The following ZRANB3 variants were observed in gnomAD, a reference collection of about 807,000 sequenced individuals.
The protein encoded by ZRANB3 is zinc finger RANBP2-type containing 3.
Under a neutral mutation model 133.8 loss-of-function variants are expected in ZRANB3, and 125 were observed. That is an observed-to-expected ratio of 0.93 (90% confidence interval 0.81 to 1.08). The LOEUF is 1.08. ZRANB3 is among the 50% of genes least tolerant of loss of function. The probability of loss-of-function intolerance (pLI) is 0.00; values close to 1 mark genes in which losing one functional copy is unlikely to be tolerated. For synonymous variants in ZRANB3, 387 were observed against 432.7 expected (o/e 0.89, Z 1.31); for missense variants, 1,229 against 1,275.5 (o/e 0.96, Z 0.56).
chr2:135,408,551 A>T (rs1179347907), intron 2 of ZRANB3, among the ~76,000 whole-genome samples: 1 of 152,220 alleles, frequency 6.6e-6, no homozygotes, highest in Non-Finnish European at 1.5e-5. Flanking sequence ...CACTATTCAC[A>T]ATAGCAAAGA....
In ZRANB3 at chr2:135,355,672, T is replaced by C. The variant is rs1558939570; in HGVS notation, c.181-2044A>G. On this transcript the variant is annotated intron_variant, in intron 3 of 20. Coordinates refer to ENST00000264159, the MANE Select transcript of ZRANB3 (RefSeq NM_032143.4). ...GCGCCCGGCCAACAATTACAGATCTTTACCTGGCTAGAGTTATTCAGTGTG... is the reference window on the plus strand; with the variant it reads ...GCGCCCGGCCAACAATTACAGATCTCTACCTGGCTAGAGTTATTCAGTGTG... Among the ~76,000 whole-genome samples, 6 of 152,056 alleles carry C rather than the reference T, an allele frequency of 3.9e-5. No individual in the cohort carries two copies. In the South Asian group the frequency reaches 1.2e-3, roughly 32 times the overall value.
intron 12 of ZRANB3, among the ~76,000 whole-genome samples, chr2:135,255,983 G>A (rs1010650102): frequency 2.7e-5 from 4 of 149,460 alleles, no homozygotes; most frequent in East Asian, 2.0e-4. Context: ...GAGAAATCAC[G>A]GCTCACTACA....
In ZRANB3 at chr2:135,510,896, A is replaced by G. The variant is rs1408614907; in HGVS notation, c.-7-6400T>C. The G allele has an allele frequency of 6.5e-6, 8 of 1,226,396 alleles. No individual in the cohort carries two copies. In the East Asian group the frequency reaches 1.6e-4, roughly 25 times the overall value. 76.0% of individuals were successfully genotyped at this position (1,226,396 alleles called of 1,614,324 possible). On this transcript the variant is annotated intron_variant, in intron 1 of 20. Transcript: ENST00000264159. ...CTTTAAGCTCTGATTTGTCCACTTCATGAGGCAGGTTGCCAATGAAGAGTT... is the reference window on the plus strand; with the variant it reads ...CTTTAAGCTCTGATTTGTCCACTTCGTGAGGCAGGTTGCCAATGAAGAGTT...
At chr2:135,372,165 CAAAA>C (rs568486324) in intron 3 of ZRANB3, among the ~76,000 whole-genome samples, 2 of 88,590 alleles carry the variant, frequency 2.3e-5, no homozygotes, top group African/African-American at 3.8e-5. Flanking sequence ...GACTCTGTCT[CAAAA>C]AAAAAAAAAA....
chr2:135,525,016 A>C (rs1694094505), intron 1 of ZRANB3, among the ~76,000 whole-genome samples: 1 of 152,090 alleles, frequency 6.6e-6, no homozygotes, highest in Non-Finnish European at 1.5e-5. Flanking sequence ...AGAAGCTATA[A>C]AAAAAGATGG....
At chr2:135,348,848 C>G (rs1311101533) in intron 5 of ZRANB3, among the ~76,000 whole-genome samples, 1 of 152,136 alleles carries the variant, frequency 6.6e-6, no homozygotes, top group Non-Finnish European at 1.5e-5. Flanking sequence ...CTCGCCTCGG[C>G]TTCCCAAAGT....
At chr2:135,371,114 A>G (rs574866617) in intron 3 of ZRANB3, among the ~76,000 whole-genome samples, 2 of 152,312 alleles carry the variant, frequency 1.3e-5, no homozygotes, top group South Asian at 4.1e-4. Context: ...ACACACCAAT[A>G]AAGTTGTGGC....
intron 3 of ZRANB3, among the ~76,000 whole-genome samples, chr2:135,369,581 T>C (rs1686079420): frequency 6.6e-6 from 1 of 152,196 alleles, no homozygotes; most frequent in Non-Finnish European, 1.5e-5. Context: ...TTACACTTGT[T>C]TTTTTAAAGC....
At chr2:135,407,927 G>A (rs1047495425) in intron 2 of ZRANB3, among the ~76,000 whole-genome samples, 1 of 148,082 alleles carries the variant, frequency 6.8e-6, no homozygotes, top group Non-Finnish European at 1.5e-5. Context: ...AGGACTTCAT[G>A]TCTAAAACAC....
rs758288790 is a variant in ZRANB3, at chr2:135,325,236, A to G, written c.678-9706T>C. 4.3e-4 allele frequency among the ~76,000 whole-genome samples: 65 copies of G among 152,156 alleles called. 1 individual carries two copies. Among genetic ancestry groups the G allele is most frequent in the Non-Finnish European group, 7.4e-5 (5 of 68,018 alleles). Reference sequence around the variant, plus strand: ...AAAGTTGAAGGACTTAAACTTGCCAACTTTGAAAATAAAAAGCACTGGACA... The same window carrying G: ...AAAGTTGAAGGACTTAAACTTGCCAGCTTTGAAAATAAAAAGCACTGGACA... On this transcript the variant is annotated intron_variant, in intron 6 of 20. Coordinates refer to ENST00000264159, the MANE Select transcript of ZRANB3 (RefSeq NM_032143.4).
chr2:135,251,969 A>C (rs1679421755), intron 12 of ZRANB3, among the ~76,000 whole-genome samples: 1 of 152,230 alleles, frequency 6.6e-6, no homozygotes, highest in Non-Finnish European at 1.5e-5. Context: ...CAGGAGGCGG[A>C]GGCTGCATTG....
At chr2:135,504,786 A>C (rs1208335208) in intron 1 of ZRANB3, among the ~76,000 whole-genome samples, 4 of 152,150 alleles carry the variant, frequency 2.6e-5, no homozygotes, top group Admixed American at 2.6e-4. Context: ...TTACTAAAAA[A>C]TTATAAATAA....
intron 8 of ZRANB3, among the ~76,000 whole-genome samples, chr2:135,284,316 T>C (rs1168466247): frequency 2.0e-5 from 3 of 152,248 alleles, no homozygotes; most frequent in South Asian, 2.1e-4. Flanking sequence ...TTAGCTCTTA[T>C]TATTAGCATA....
intron 2 of ZRANB3, among the ~76,000 whole-genome samples, chr2:135,480,339 T>G (rs576528796): frequency 6.6e-6 from 1 of 152,146 alleles, no homozygotes; most frequent in Admixed American, 6.5e-5. Flanking sequence ...CTTCTTATAG[T>G]AAAACCACCA....
chr2:135,451,049 G>A (rs910111735), intron 2 of ZRANB3, among the ~76,000 whole-genome samples: 2 of 152,158 alleles, frequency 1.3e-5, no homozygotes, highest in Non-Finnish European at 2.9e-5. Flanking sequence ...AGAATATTGT[G>A]TACTCAGAAG....
Position 135,344,383 on chromosome 2 carries a change from G to A in ZRANB3, c.677+1167C>T, listed in dbSNP as rs80235154. 4.9e-3 allele frequency among the ~76,000 whole-genome samples: 745 copies of A among 152,208 alleles called. 8 individuals carry two copies. The highest frequency in any genetic ancestry group is 0.017 in the African/African-American group (692 of 41,522). On this transcript the variant is annotated intron_variant, in intron 6 of 20. Coordinates refer to ENST00000264159, the MANE Select transcript of ZRANB3 (RefSeq NM_032143.4). ...GTATGCACAGCTATATACTACAAAC[G>A]TCCAATAAGAGTAGACTGCATAAAT...
chr2:135,511,281 T>C, intron 1 of ZRANB3: 1 of 1,019,052 alleles, frequency 9.8e-7, no homozygotes, highest in Non-Finnish European at 1.6e-6. Flanking sequence ...AGGAGCAGTT[T>C]CTTCTAATAC....
intron 2 of ZRANB3, among the ~76,000 whole-genome samples, chr2:135,406,910 A>C (rs777510073): frequency 1.3e-5 from 2 of 152,224 alleles, no homozygotes; most frequent in Non-Finnish European, 2.9e-5. Flanking sequence ...AAAACATGGC[A>C]CAAGACAGGG....
intron 3 of ZRANB3, among the ~76,000 whole-genome samples, chr2:135,364,822 G>A (rs1199863424): frequency 6.6e-6 from 1 of 151,980 alleles, no homozygotes; most frequent in Admixed American, 6.6e-5. Context: ...AGGCCGAGGC[G>A]GGCAGATCAC....
Sources: gnomAD v4.1 joint callset for allele counts (sites outside exome capture counted in the v4.1 genomes callset) on GRCh38, gnomAD v4.1.1 for gene constraint, MANE v1.5 for transcripts, NCBI Gene and HGNC (gene_info 2026-07-23, HGNC 2026-07-21) for gene names.